Variants in USP18 observed in about 807,000 individuals in gnomAD.
The protein encoded by USP18 is ubl carboxyl-terminal hydrolase 18.
In USP18, 11 loss-of-function variants were observed where a neutral mutation model predicts 48.7. The ratio of observed to expected loss-of-function variants is 0.23; its 90% CI spans 0.14 to 0.37. The LOEUF is 0.37. Among genes scored for constraint, USP18 ranks in the 10% least tolerant of loss-of-function variants. The pLI is 1.00. For synonymous variants in USP18, 114 were observed against 163.2 expected (o/e 0.70, Z 2.30); for missense variants, 285 against 436.4 (o/e 0.65, Z 3.09).
Position 18,169,845 on chromosome 22 carries a change from A to C in USP18, c.629A>C (p.Glu210Ala). 1 of 1,589,416 alleles carries C rather than the reference A, an allele frequency of 6.3e-7. No individual in the cohort carries two copies. The highest frequency in any genetic ancestry group is 8.6e-7 in the Non-Finnish European group (1 of 1,166,420). The change falls in exon 7 of 11, where the codon GAG becomes GCG. Residue 210 changes from glutamate to alanine, a missense_variant and splice_region_variant. By Grantham distance (107) the Glu-to-Ala change is moderately radical. Coordinates refer to ENST00000215794, the MANE Select transcript of USP18 (RefSeq NM_017414.4). ...DVDSKPLKTL[E>A]DALHCFFQPR... ...TCCCTGTTCTCTTGGGTGGGACAGG[A>C]GGACGCCCTGCACTGCTTCTTCCAG...
Position 18,167,283 on chromosome 22 carries a change from G to C in USP18, c.429G>C (p.Leu143=). 1.2e-6 allele frequency: 2 copies of C among 1,613,808 alleles called. No individual in the cohort carries two copies. The highest frequency in any genetic ancestry group is 1.7e-6 in the Non-Finnish European group (2 of 1,179,796). ...PLFVQHDAAQ[L]YLKLWNLIKD... ...TTGTCCAACATGATGCTGCCCAACT[G>C]TACCTCAAACTCTGGAACCTGATTA... The change falls in exon 5 of 11, where the codon CTG becomes CTC. Residue 143 remains leucine, a synonymous_variant. Transcript: ENST00000215794.
At position 18,170,769 on chromosome 22, in the gene USP18, A is replaced by G. The variant is rs1929607392; in HGVS notation, c.740A>G (p.His247Arg). The change falls in exon 8 of 11, where the codon CAT becomes CGT. Residue 247 changes from histidine to arginine, a missense_variant. Physicochemically the swap from His to Arg is conservative, Grantham distance 29. Transcript: ENST00000215794. ...TRGKQVLKLTHLPQTLTIHLM... is the reference protein window; with the variant it reads ...TRGKQVLKLTRLPQTLTIHLM... ...ATTTTTCAGGTCTTGAAGCTGACCC[A>G]TTTGCCCCAGACCCTGACAATCCAC... is the stretch of plus-strand genomic sequence containing the variant. The G allele has an allele frequency of 3.7e-6, 6 of 1,607,612 alleles. No homozygotes were observed. The highest frequency in any genetic ancestry group is 5.1e-6 in the Non-Finnish European group (6 of 1,178,646).
In USP18 at chr22:18,160,226, A is replaced by G; in HGVS notation, c.212A>G (p.Gln71Arg). 6.2e-7 allele frequency: 1 copy of G among 1,614,128 alleles called. No homozygotes were observed. Among genetic ancestry groups the G allele is most frequent in the Non-Finnish European group, 8.5e-7 (1 of 1,179,992 alleles). ...GQTCCLNSLI[Q>R]VFVMNVDFTR... ...ACCTGCTGCCTTAACTCCTTGATTC[A>G]GGTGTTCGTAATGAATGTGGACTTC... The change falls in exon 3 of 11, where the codon CAG (glutamine) becomes CGG (arginine). Residue 71 changes from glutamine to arginine, a missense_variant. Coordinates refer to ENST00000215794, the MANE Select transcript of USP18 (RefSeq NM_017414.4).
chr22:18,170,164 G>T (rs1311225316), intron 7 of USP18, among the ~76,000 whole-genome samples: 2 of 150,840 alleles, frequency 1.3e-5, no homozygotes, highest in African/African-American at 4.9e-5. Flanking sequence ...TGCCTATGGG[G>T]GAGGGCAGAC....
intron 2 of USP18, 67 bp from the exon 3 acceptor site, chr22:18,160,105 T>C: frequency 6.7e-7 from 1 of 1,489,634 alleles, no homozygotes; most frequent in South Asian, 1.1e-5. Context: ...TGAGCCACCA[T>C]GCCCAGCCTT....
chr22:18,156,292 A>G (rs1319379069), intron 1 of USP18, among the ~76,000 whole-genome samples: 1 of 152,216 alleles, frequency 6.6e-6, no homozygotes, highest in Non-Finnish European at 1.5e-5. Flanking sequence ...AAAATGGACC[A>G]ATCAGCAGGA....
At chr22:18,158,303 CAAAT>C (rs1231988050) in intron 2 of USP18, among the ~76,000 whole-genome samples, 1 of 152,046 alleles carries the variant, frequency 6.6e-6, no homozygotes, top group Non-Finnish European at 1.5e-5. Context: ...AACAAACAAA[CAAAT>C]GGGGGTAATA....
Position 18,173,838 on chromosome 22 carries a change from C to T in USP18, c.1069C>T (p.His357Tyr), listed in dbSNP as rs1299170907. ...GTGTACCTACGGAAATCCTAACTAC[C>T]ACTGGTAAGAAACAGATTTGGGTAA... ...IQCTYGNPNY[H>Y]WQETAYLLVY... Residue 357 changes from histidine (H) to tyrosine (Y), a missense_variant, in exon 10 of 11, where the codon CAC (histidine) becomes TAC (tyrosine). Transcript: ENST00000215794. The T allele has an allele frequency of 1.2e-6, 2 of 1,601,386 alleles. No individual in the cohort carries two copies. Among genetic ancestry groups the T allele is most frequent in the Non-Finnish European group, 1.7e-6 (2 of 1,170,326 alleles).
At chr22:18,173,702 T>C (rs1929702518) in intron 9 of USP18, 91 bp from the exon 10 acceptor site, 1 of 1,574,288 alleles carries the variant, frequency 6.4e-7, no homozygotes, top group East Asian at 2.3e-5. Flanking sequence ...GGTGGGCTTG[T>C]CTGGAGGATG....
intron 9 of USP18, among the ~76,000 whole-genome samples, 173 bp from the exon 10 acceptor site, chr22:18,173,619 CA>C (rs1929700781): frequency 6.6e-6 from 1 of 152,184 alleles, no homozygotes. Context: ...AACACAGGGA[CA>C]AGGGCACTAA....
chr22:18,173,358 G>A (rs1293008448), intron 9 of USP18, 77 bp downstream of exon 9: 1 of 1,581,634 alleles, frequency 6.3e-7, no homozygotes, highest in African/African-American at 1.3e-5. Flanking sequence ...GGGCTGCGTG[G>A]GTCTCTGAGA....
intron 5 of USP18, 125 bp from the exon 6 acceptor site, chr22:18,167,765 T>C (rs1929517748): frequency 2.0e-6 from 2 of 1,007,478 alleles, no homozygotes; most frequent in South Asian, 3.9e-5. Flanking sequence ...TTTCATAATA[T>C]TGTTACTGGT....
chr22:18,157,480 CT>C, intron 1 of USP18, 77 bp from the exon 2 acceptor site: 2 of 750,630 alleles, frequency 2.7e-6, no homozygotes, highest in Non-Finnish European at 4.4e-6. Context: ...AAGACCTGCT[CT>C]TTGGCATCAG....
chr22:18,167,468 C>T, intron 5 of USP18, 134 bp downstream of exon 5: 1 of 1,081,960 alleles, frequency 9.2e-7, no homozygotes, highest in Non-Finnish European at 1.3e-6. Context: ...GAGGCTGAGG[C>T]AGGCGGATCA....
At chr22:18,164,587 A>G (rs958669003) in intron 4 of USP18, among the ~76,000 whole-genome samples, 15 of 151,636 alleles carry the variant, frequency 9.9e-5, no homozygotes, top group South Asian at 2.1e-4. Context: ...GGTGCAGGCC[A>G]GTTATTAATA....
At chr22:18,167,187 A>G (rs1929498051) in intron 4 of USP18, 68 bp from the exon 5 acceptor site, 1 of 1,584,148 alleles carries the variant, frequency 6.3e-7, no homozygotes, top group Non-Finnish European at 8.6e-7. Context: ...ATGTGTGTCT[A>G]AGTACCAGGG....
intron 4 of USP18, among the ~76,000 whole-genome samples, chr22:18,163,126 C>A (rs932325220): frequency 1.3e-5 from 2 of 151,790 alleles, no homozygotes; most frequent in Non-Finnish European, 2.9e-5. Flanking sequence ...GAACTTTTTT[C>A]TGTCTCTTTG....
At chr22:18,168,562 ATT>A (rs1256362354) in intron 6 of USP18, among the ~76,000 whole-genome samples, 1 of 151,990 alleles carries the variant, frequency 6.6e-6, no homozygotes, top group African/African-American at 2.4e-5. Flanking sequence ...TGCCCAGCTA[ATT>A]TCTGTATTTT....
At chr22:18,174,907 T>G (rs2058959) in intron 10 of USP18, among the ~76,000 whole-genome samples, 9,990 of 152,054 alleles carry the variant, frequency 0.066, 452 homozygotes, top group East Asian at 0.18. Context: ...CACACTGTTT[T>G]TTTGTTTGTT....
Sources: gnomAD v4.1 joint callset for allele counts (sites outside exome capture counted in the v4.1 genomes callset) on GRCh38, gnomAD v4.1.1 for gene constraint, MANE v1.5 for transcripts, NCBI Gene and HGNC (gene_info 2026-07-23, HGNC 2026-07-21) for gene names.